ADAM22: variants seen among roughly 807,000 people sequenced by gnomAD.
ADAM22 encodes ADAM metallopeptidase domain 22.
Under a neutral mutation model 144.6 loss-of-function variants are expected in ADAM22, and 65 were observed. The ratio of observed to expected loss-of-function variants is 0.45; its 90% CI spans 0.37 to 0.55. ADAM22 has a LOEUF of 0.55. ADAM22 is among the 20% of genes least tolerant of loss of function. The probability of loss-of-function intolerance (pLI) is 0.00; values close to 1 mark genes in which losing one functional copy is unlikely to be tolerated. For missense variants in ADAM22, 974 were observed against 1,184.9 expected (o/e 0.82, Z 2.61); for synonymous variants, 391 against 412.6 (o/e 0.95, Z 0.63).
At chr7:88,099,305 ATTACTCTGGC>A in intron 4 of ADAM22, among the ~76,000 whole-genome samples, 1 of 152,196 alleles carries the variant, frequency 6.6e-6, no homozygotes, top group African/African-American at 2.4e-5. Context: ...GAAGGACTTC[ATTACTCTGGC>A]ATTGGCAATA....
intron 3 of ADAM22, among the ~76,000 whole-genome samples, chr7:88,038,518 G>A (rs1163728646): frequency 6.8e-6 from 1 of 147,938 alleles, no homozygotes; most frequent in Admixed American, 6.8e-5. Context: ...GCAGTGGTGC[G>A]ATCTCGACTC....
At chr7:88,057,374 CTAAT>C (rs1334604342) in intron 3 of ADAM22, among the ~76,000 whole-genome samples, 2 of 152,286 alleles carry the variant, frequency 1.3e-5, no homozygotes, top group East Asian at 3.9e-4. Context: ...TTTAGCCTGA[CTAAT>C]TATTTGTTAA....
At chr7:88,164,609 G>T (rs1444407763) in intron 23 of ADAM22, among the ~76,000 whole-genome samples, 2 of 151,960 alleles carry the variant, frequency 1.3e-5, no homozygotes, top group Non-Finnish European at 2.9e-5. Flanking sequence ...GGGTAACATT[G>T]GGCAAATTTC....
chr7:87,944,547 G>T (rs891123526), intron 2 of ADAM22, among the ~76,000 whole-genome samples: 6 of 152,192 alleles, frequency 3.9e-5, no homozygotes, highest in African/African-American at 1.4e-4. Context: ...TTAATCTAAA[G>T]TAGGCTGGAG....
intron 3 of ADAM22, among the ~76,000 whole-genome samples, chr7:88,066,483 A>T (rs1287201226): frequency 2.9e-4 from 44 of 152,108 alleles, no homozygotes; most frequent in East Asian, 1.9e-4. Context: ...GTTAAGTGTG[A>T]TGCTTATTTA....
At chr7:88,089,372 A>T (rs1379334622) in intron 4 of ADAM22, among the ~76,000 whole-genome samples, 5 of 152,158 alleles carry the variant, frequency 3.3e-5, no homozygotes, top group African/African-American at 1.2e-4. Context: ...TCTGAAGTAG[A>T]GACTTGTGTG....
intron 3 of ADAM22, among the ~76,000 whole-genome samples, chr7:88,028,932 G>A (rs1352195815): frequency 6.6e-6 from 1 of 151,892 alleles, no homozygotes; most frequent in East Asian, 1.9e-4. Flanking sequence ...ACAATAGAAC[G>A]TGGAGTCTTG....
chr7:88,131,436 G>T lies in ADAM22; in HGVS notation c.992+1G>T. On this transcript the variant is annotated splice_donor_variant, in intron 11 of 31. Transcript: ENST00000413139. LOFTEE classifies it high-confidence loss of function. Reference sequence around the variant, plus strand: ...AAAGTGATGCAGTTCACCTTTTTTCGTACGTAACTTCTGTAATGATGTATT... The same window carrying T: ...AAAGTGATGCAGTTCACCTTTTTTCTTACGTAACTTCTGTAATGATGTATT... 6.2e-7 allele frequency: 1 copy of T among 1,613,290 alleles called. No individual in the cohort carries two copies. The highest frequency in any genetic ancestry group is 8.5e-7 in the Non-Finnish European group (1 of 1,179,476).
intron 29 of ADAM22, 29 bp downstream of exon 29, chr7:88,182,053 C>T: frequency 6.3e-7 from 1 of 1,591,666 alleles, no homozygotes; most frequent in East Asian, 2.2e-5. Context: ...TGGAAAAAGG[C>T]ACTCCAAGGT....
chr7:87,991,383 G>C (rs935838978), intron 3 of ADAM22, among the ~76,000 whole-genome samples: 1 of 134,240 alleles, frequency 7.4e-6, no homozygotes, highest in African/African-American at 2.9e-5. Flanking sequence ...TTTTTGAGAC[G>C]GAGTCTCGCT....
chr7:88,171,737 G>A (rs1844371386), intron 26 of ADAM22, among the ~76,000 whole-genome samples, 176 bp downstream of exon 26: 1 of 151,630 alleles, frequency 6.6e-6, no homozygotes, highest in East Asian at 1.9e-4. Flanking sequence ...GTGAAATATA[G>A]CAATTTAAAA....
At chr7:87,974,814 A>G (rs78794446) in intron 2 of ADAM22, among the ~76,000 whole-genome samples, 2,537 of 152,258 alleles carry the variant, frequency 0.017, 72 homozygotes, top group African/African-American at 0.058. Flanking sequence ...TGGAGGCCCT[A>G]AGGGAGATTC....
At chr7:88,111,614 C>G (rs1826061937) in intron 5 of ADAM22, among the ~76,000 whole-genome samples, 3 of 152,006 alleles carry the variant, frequency 2.0e-5, no homozygotes, top group Admixed American at 2.0e-4. Context: ...GTAAGAATGG[C>G]TTTTTCATTT....
In ADAM22 at chr7:87,985,534, A is replaced by T. The variant is rs1788266378; in HGVS notation, c.323+7122A>T. Among the ~76,000 whole-genome samples the T allele has an allele frequency of 2.0e-5, 3 of 152,060 alleles. No homozygotes were observed. The South Asian group carries it at 6.2e-4, about 32-fold the overall frequency. ...CACTAATCTACTTTCTGTCTTTATA[A>T]ATTTGTGTTTTCTGGACATTTCTTA... On this transcript the variant is annotated intron_variant, in intron 3 of 31. Transcript: ENST00000413139.
intron 7 of ADAM22, among the ~76,000 whole-genome samples, chr7:88,124,820 C>T (rs918953132): frequency 1.1e-4 from 16 of 152,092 alleles, no homozygotes; most frequent in African/African-American, 3.9e-4. Flanking sequence ...TCACAAATTT[C>T]TCTGACCATG....
intron 4 of ADAM22, among the ~76,000 whole-genome samples, chr7:88,080,509 A>G (rs1816196505): frequency 6.6e-6 from 1 of 152,216 alleles, no homozygotes; most frequent in Non-Finnish European, 1.5e-5. Context: ...AGCAGAACTG[A>G]AGGAAATAGA....
intron 3 of ADAM22, among the ~76,000 whole-genome samples, chr7:88,007,144 T>C (rs976911292): frequency 6.6e-6 from 1 of 152,114 alleles, no homozygotes. Flanking sequence ...AACTCCCATT[T>C]ACAATTGCTT....
At chr7:87,995,031 C>T (rs1021480981) in intron 3 of ADAM22, among the ~76,000 whole-genome samples, 7 of 151,892 alleles carry the variant, frequency 4.6e-5, no homozygotes, top group African/African-American at 9.7e-5. Flanking sequence ...GGGGTTTCAC[C>T]GTGGTCTCGA....
At chr7:87,984,035 G>A (rs1316537742) in intron 3 of ADAM22, among the ~76,000 whole-genome samples, 1 of 152,050 alleles carries the variant, frequency 6.6e-6, no homozygotes, top group African/African-American at 2.4e-5. Flanking sequence ...TTGTCATGTT[G>A]GATAATTCAT....
Sources: gnomAD v4.1 joint callset for allele counts (sites outside exome capture counted in the v4.1 genomes callset) on GRCh38, gnomAD v4.1.1 for gene constraint, MANE v1.5 for transcripts, NCBI Gene and HGNC (gene_info 2026-07-23, HGNC 2026-07-21) for gene names.